The following MAGI1 variants were observed in gnomAD, a reference collection of about 807,000 sequenced individuals.
MAGI1 encodes the protein membrane associated guanylate kinase, WW and PDZ domain containing 1, also known as membrane-associated guanylate kinase, WW and PDZ domain-containing protein 1.
A neutral mutation model predicts 139.9 loss-of-function variants in MAGI1; 58 were observed. That is an observed-to-expected ratio of 0.41 (90% confidence interval 0.34 to 0.52). The LOEUF is 0.52. Among genes scored for constraint, MAGI1 ranks in the 20% least tolerant of loss-of-function variants. The probability of loss-of-function intolerance (pLI) is 0.12; values close to 1 mark genes in which losing one functional copy is unlikely to be tolerated. For missense variants in MAGI1, 1,874 were observed against 1,901.6 expected (o/e 0.99, Z 0.27); for synonymous variants, 812 against 737.9 (o/e 1.10, Z -1.63).
intron 7 of MAGI1, among the ~76,000 whole-genome samples, chr3:65,447,086 T>C (rs1295123529): frequency 6.6e-6 from 1 of 152,242 alleles, no homozygotes; most frequent in Non-Finnish European, 1.5e-5. Flanking sequence ...TCAATAATCT[T>C]AGTACAGTTC....
chr3:65,638,481 G>A (rs926277534), intron 1 of MAGI1, among the ~76,000 whole-genome samples: 10 of 150,106 alleles, frequency 6.7e-5, no homozygotes, highest in African/African-American at 2.2e-4. Context: ...GCCCGCTTCT[G>A]TTTGTACTAC....
intron 1 of MAGI1, among the ~76,000 whole-genome samples, chr3:65,906,860 T>C (rs553769494): frequency 6.8e-6 from 1 of 147,646 alleles, no homozygotes; most frequent in East Asian, 2.0e-4. Flanking sequence ...CACTACAGCC[T>C]GGGCAACAGA....
chr3:65,721,723 T>TAC (rs2033051626), intron 1 of MAGI1, among the ~76,000 whole-genome samples: 1 of 152,152 alleles, frequency 6.6e-6, no homozygotes, highest in East Asian at 1.9e-4. Context: ...CTCCTCTTAT[T>TAC]TATGCTACTC....
At chr3:65,968,776 TTTAAA>T (rs1409718938) in intron 1 of MAGI1, among the ~76,000 whole-genome samples, 1 of 152,114 alleles carries the variant, frequency 6.6e-6, no homozygotes, top group Non-Finnish European at 1.5e-5. Context: ...GTTTTCTCAC[TTTAAA>T]TTACATATAT....
chr3:65,650,292 T>C (rs1187154576), intron 1 of MAGI1, among the ~76,000 whole-genome samples: 1 of 152,194 alleles, frequency 6.6e-6, no homozygotes, highest in Admixed American at 6.5e-5. Context: ...TTCTGTTATA[T>C]CAATGCAAAA....
At chr3:65,652,378 C>T (rs760771495) in intron 1 of MAGI1, among the ~76,000 whole-genome samples, 5 of 152,134 alleles carry the variant, frequency 3.3e-5, no homozygotes, top group East Asian at 1.9e-4. Context: ...ACTATTGACA[C>T]GTGGGACCAG....
chr3:65,487,592 C>T (rs769238097), intron 3 of MAGI1, among the ~76,000 whole-genome samples: 2 of 152,094 alleles, frequency 1.3e-5, no homozygotes, highest in Non-Finnish European at 2.9e-5. Flanking sequence ...GTCCTACAAC[C>T]GACCAATGTA....
rs561361444 is a variant in MAGI1 at position 66,023,570 on chromosome 3, G to A, written c.313+14426C>T. 2.6e-5 allele frequency among the ~76,000 whole-genome samples: 4 copies of A among 152,288 alleles called. No homozygotes were observed. The South Asian group carries it at 6.2e-4, about 24-fold the overall frequency. ...AAACAAAATTCTACCATGTAATGCT[G>A]GCACTGAAAAACAGATGACTACCGG... On this transcript the variant is annotated intron_variant, in intron 1 of 22. Transcript: ENST00000402939.
At chr3:65,845,182 C>T (rs550880860) in intron 1 of MAGI1, among the ~76,000 whole-genome samples, 48 of 151,424 alleles carry the variant, frequency 3.2e-4, no homozygotes, top group African/African-American at 1.1e-3. Flanking sequence ...ACCCAGGAGG[C>T]GGCGGTTGCA....
intron 1 of MAGI1, among the ~76,000 whole-genome samples, chr3:65,755,591 T>C (rs2036505184): frequency 6.6e-6 from 1 of 152,206 alleles, no homozygotes; most frequent in Admixed American, 6.5e-5. Flanking sequence ...CACATAGGCA[T>C]ATAAAATGAA....
At chr3:65,790,228 T>C (rs988564819) in intron 1 of MAGI1, among the ~76,000 whole-genome samples, 1 of 152,138 alleles carries the variant, frequency 6.6e-6, no homozygotes, top group African/African-American at 2.4e-5. Flanking sequence ...AAAAGAACTA[T>C]AAGACCACTG....
rs142461844 is a variant in MAGI1, at chr3:65,385,541, G to A, written c.2417-1918C>T. On this transcript the variant is annotated intron_variant, in intron 14 of 22. Transcript: ENST00000402939. ...GTGGATGTTTAGATTTTAGGTTGGC[G>A]AAGAGATGTCCCTTTTTAGTGATTC... 4.2e-4 allele frequency among the ~76,000 whole-genome samples: 64 copies of A among 152,288 alleles called. No homozygotes were observed. The East Asian group carries it at 9.7e-3, about 23-fold the overall frequency.
chr3:65,798,304 A>AAAACAAACAAAC (rs549833908), intron 1 of MAGI1, among the ~76,000 whole-genome samples: 1 of 151,338 alleles, frequency 6.6e-6, no homozygotes, highest in African/African-American at 2.4e-5. Flanking sequence ...ACTCCATCTC[A>AAAACAAACAAAC]AAACAAACAA....
At chr3:66,021,465 C>G (rs1308487081) in intron 1 of MAGI1, among the ~76,000 whole-genome samples, 2 of 152,212 alleles carry the variant, frequency 1.3e-5, no homozygotes, top group Admixed American at 6.5e-5. Context: ...GCTCAAATAA[C>G]TCAATTTGTC....
At chr3:65,977,406 C>T (rs2107235043) in intron 1 of MAGI1, among the ~76,000 whole-genome samples, 1 of 152,206 alleles carries the variant, frequency 6.6e-6, no homozygotes, top group Admixed American at 6.5e-5. Context: ...GGACCTGCCA[C>T]CCTTATAATA....
intron 2 of MAGI1, among the ~76,000 whole-genome samples, chr3:65,519,449 G>A (rs4688239): frequency 0.96 from 146,619 of 152,000 alleles, 70,927 homozygotes; most frequent in Non-Finnish European, 1. Context: ...GCAGTGGTGC[G>A]ATCTTGGCTC....
intron 12 of MAGI1, among the ~76,000 whole-genome samples, chr3:65,411,101 C>T (rs1945760865): frequency 6.6e-6 from 1 of 152,168 alleles, no homozygotes; most frequent in Non-Finnish European, 1.5e-5. Flanking sequence ...AATCTTTCTA[C>T]CCTAGGTAAT....
chr3:65,366,908 C>T (rs1345719013), intron 18 of MAGI1, among the ~76,000 whole-genome samples: 1 of 152,134 alleles, frequency 6.6e-6, no homozygotes, highest in Non-Finnish European at 1.5e-5. Flanking sequence ...AAACTAGCTC[C>T]TTCATATGAC....
Position 65,712,517 on chromosome 3 carries a change from T to C in MAGI1, c.314-90429A>G, listed in dbSNP as rs188634430. Among the ~76,000 whole-genome samples the C allele has an allele frequency of 1.1e-3, 167 of 147,460 alleles. 1 individual carries two copies. The highest frequency in any genetic ancestry group is 3.4e-3 in the Middle Eastern group (1 of 292). On this transcript the variant is annotated intron_variant, in intron 1 of 22. Transcript: ENST00000402939. ...TTGTGTTTTGTTTTTGTTTTTGTTG[T>C]TGTTGTTGTTGTTGAGACAGAGTTT...
Sources: allele counts gnomAD v4.1 joint callset (sites outside exome capture counted in the v4.1 genomes callset), GRCh38; gene constraint gnomAD v4.1.1; transcripts MANE v1.5; gene names NCBI Gene and HGNC (gene_info 2026-07-23, HGNC 2026-07-21).